The following OSMR variants were observed in gnomAD, a reference collection of about 807,000 sequenced individuals.
The protein encoded by OSMR is oncostatin M receptor.
Under a neutral mutation model 99.9 loss-of-function variants are expected in OSMR, and 81 were observed. That is an observed-to-expected ratio of 0.81 (90% CI 0.68 to 0.97). OSMR has a LOEUF of 0.97. Among genes scored for constraint, OSMR ranks in the 50% least tolerant of loss-of-function variants. The pLI, the probability that OSMR is intolerant of heterozygous loss-of-function variation, is 0.00. For missense variants in OSMR, 1,099 were observed against 1,153.4 expected, an observed-to-expected ratio of 0.95 and a Z score of 0.68; for synonymous variants, 406 against 410.4, an observed-to-expected ratio of 0.99 and a Z score of 0.13.
chr5:38,881,463 G>C, intron 3 of OSMR, 130 bp from the exon 4 acceptor site: 1 of 1,573,524 alleles, frequency 6.4e-7, no homozygotes, highest in Non-Finnish European at 8.6e-7. Context: ...ACTAGCAGAA[G>C]TGGAATTCAC....
At chr5:38,929,621 G>T (rs1323693293) in intron 15 of OSMR, among the ~76,000 whole-genome samples, 2 of 152,080 alleles carry the variant, frequency 1.3e-5, no homozygotes, top group East Asian at 1.9e-4. Context: ...GGAGTAAATT[G>T]GTACAAGCAA....
intron 7 of OSMR, among the ~76,000 whole-genome samples, chr5:38,902,902 G>A (rs948261122): frequency 6.6e-6 from 1 of 152,026 alleles, no homozygotes; most frequent in Admixed American, 6.6e-5. Context: ...CTGTTTCCAC[G>A]CTTCTTTCCT....
intron 7 of OSMR, among the ~76,000 whole-genome samples, chr5:38,902,761 A>G (rs1048937595): frequency 6.6e-6 from 1 of 152,142 alleles, no homozygotes; most frequent in Non-Finnish European, 1.5e-5. Context: ...GAAGGCCTGC[A>G]TTGTGCATGC....
chr5:38,854,253 A>G (rs768129562), intron 1 of OSMR, among the ~76,000 whole-genome samples: 3 of 152,120 alleles, frequency 2.0e-5, no homozygotes, highest in Non-Finnish European at 2.9e-5. Context: ...ACACACCCAC[A>G]TTCTTGGGAC....
At chr5:38,924,312 A>C in intron 13 of OSMR, 110 bp from the exon 14 acceptor site, 2 of 1,570,928 alleles carry the variant, frequency 1.3e-6, no homozygotes, top group Non-Finnish European at 1.7e-6. Flanking sequence ...AACTTGGCAT[A>C]AGCTGTTACA....
At position 38,905,442 on chromosome 5, in the gene OSMR, C is replaced by T. The variant is rs138315181; in HGVS notation, c.1285+939C>T. Reference sequence around the variant, plus strand: ...GGTGGAGGTTGCAGTGAGCTGAGATCGTGCCACTGCACTCCAGCCTGGGCA... The same window carrying T: ...GGTGGAGGTTGCAGTGAGCTGAGATTGTGCCACTGCACTCCAGCCTGGGCA... On this transcript the variant is annotated intron_variant, in intron 9 of 17. Transcript: ENST00000274276. Among the ~76,000 whole-genome samples the T allele has an allele frequency of 6.4e-3, 977 of 151,624 alleles. 18 individuals carry two copies. Among genetic ancestry groups the T allele is most frequent in the African/African-American group, 0.023 (935 of 41,278 alleles).
At chr5:38,861,105 GTTTTTATTTTTA>G (rs913803003) in intron 1 of OSMR, among the ~76,000 whole-genome samples, 1 of 152,076 alleles carries the variant, frequency 6.6e-6, no homozygotes, top group East Asian at 1.9e-4. Flanking sequence ...TATGATTTTG[GTTTTTATTTTTA>G]TTTTTATTTT....
At chr5:38,891,476 G>A (rs1187627514) in intron 7 of OSMR, among the ~76,000 whole-genome samples, 1 of 152,202 alleles carries the variant, frequency 6.6e-6, no homozygotes, top group Non-Finnish European at 1.5e-5. Context: ...GAGGCAGCAG[G>A]CCCCATGGAG....
downstream of OSMR, chr5:38,940,567 C>G (rs1011460263): frequency 4.3e-6 from 1 of 232,368 alleles, no homozygotes. Flanking sequence ...AATTATTTAT[C>G]TTCAACTGGA....
chr5:38,883,610 G>C, intron 4 of OSMR: 1 of 684,558 alleles, frequency 1.5e-6, no homozygotes, highest in Non-Finnish European at 1.8e-6. Context: ...GGCAGTAAGA[G>C]CAACAGCAGT....
At chr5:38,932,173 A>G (rs948484701) in intron 16 of OSMR, among the ~76,000 whole-genome samples, 1 of 152,214 alleles carries the variant, frequency 6.6e-6, no homozygotes, top group African/African-American at 2.4e-5. Context: ...TTTAAAATAG[A>G]CCACAAAATT....
At chr5:38,871,182 T>C (rs1284069720) in intron 2 of OSMR, among the ~76,000 whole-genome samples, 1 of 152,222 alleles carries the variant, frequency 6.6e-6, no homozygotes, top group Non-Finnish European at 1.5e-5. Context: ...AACTCTAAGC[T>C]TTCAGCCCAG....
At chr5:38,929,981 T>C (rs1336133993) in intron 15 of OSMR, among the ~76,000 whole-genome samples, 1 of 152,200 alleles carries the variant, frequency 6.6e-6, no homozygotes, top group Admixed American at 6.5e-5. Context: ...GTCTCCTCGT[T>C]TTCTCTTGTG....
At chr5:38,878,122 A>G (rs1742986529) in intron 3 of OSMR, among the ~76,000 whole-genome samples, 1 of 152,128 alleles carries the variant, frequency 6.6e-6, no homozygotes, top group African/African-American at 2.4e-5. Context: ...TGTGCCCAGA[A>G]AGGGATGACA....
intron 1 of OSMR, 149 bp from the exon 2 acceptor site, chr5:38,868,883 A>T: frequency 1.2e-6 from 1 of 847,816 alleles, no homozygotes; most frequent in Non-Finnish European, 1.8e-6. Flanking sequence ...TTTTGGGGGG[A>T]CTCTAAAGTA....
chr5:38,859,869 C>T (rs901760632), intron 1 of OSMR, among the ~76,000 whole-genome samples: 4 of 152,004 alleles, frequency 2.6e-5, no homozygotes, highest in Non-Finnish European at 4.4e-5. Flanking sequence ...TTCTTGATAT[C>T]TTTTTCAATC....
chr5:38,896,263 A>T lies in OSMR; in HGVS notation c.992-7619A>T, dbSNP rs150653537. On this transcript the variant is annotated intron_variant, in intron 7 of 17. Coordinates refer to ENST00000274276, the MANE Select transcript of OSMR (RefSeq NM_003999.3). ...TAGAATGGACATTTTAACAATATTG[A>T]TTCTTCCCATCTATGAACATGCAAT... is the stretch of plus-strand genomic sequence containing the variant. Among the ~76,000 whole-genome samples the T allele has an allele frequency of 1.7e-3, 253 of 152,160 alleles. 1 individual carries two copies. The highest frequency in any genetic ancestry group is 4.3e-3 in the African/African-American group (177 of 41,566).
At chr5:38,865,883 G>T (rs1741898487) in intron 1 of OSMR, among the ~76,000 whole-genome samples, 1 of 152,242 alleles carries the variant, frequency 6.6e-6, no homozygotes, top group Non-Finnish European at 1.5e-5. Context: ...ATGAGTGCTG[G>T]TGGTGGCTGT....
exon 2 of OSMR, chr5:38,944,206 T>G (rs1457180933): frequency 1.7e-6 from 1 of 585,110 alleles, no homozygotes; most frequent in Non-Finnish European, 3.2e-6. Flanking sequence ...TGCAGATCTC[T>G]TCAAAAGTCT....
Sources: allele counts gnomAD v4.1 joint callset (sites outside exome capture counted in the v4.1 genomes callset), GRCh38; gene constraint gnomAD v4.1.1; transcripts MANE v1.5; gene names NCBI Gene and HGNC (gene_info 2026-07-23, HGNC 2026-07-21).